PLA2G4B: variants seen among roughly 807,000 people sequenced by gnomAD.
PLA2G4B encodes phospholipase A2 group IVB, also known as cytosolic phospholipase A2 beta.
A neutral mutation model predicts 95.8 loss-of-function variants in PLA2G4B; 122 were observed. The ratio of observed to expected loss-of-function variants is 1.27; its 90% CI spans 1.10 to 1.48. The LOEUF (loss-of-function observed/expected upper bound fraction) is 1.48. Among genes scored for constraint, PLA2G4B ranks in the 40% most tolerant of loss-of-function variants. PLA2G4B has a pLI of 0.00. For missense variants in PLA2G4B, 1,158 were observed against 996.2 expected (o/e 1.16, Z -2.19); for synonymous variants, 518 against 421.5 (o/e 1.23, Z -2.80).
intron 1 of PLA2G4B, chr15:41,839,262 G>A (rs2065380883): frequency 9.0e-6 from 2 of 222,890 alleles, no homozygotes; most frequent in South Asian, 1.6e-4. Context: ...TGGAGTGTGA[G>A]GGCCCTGGGC....
Position 41,847,677 on chromosome 15 carries a change from A to G in PLA2G4B, c.2163A>G (p.Ala721=), listed in dbSNP as rs34424865. The change falls in exon 20 of 20, where the codon GCA becomes GCG. Residue 721 remains alanine, a synonymous_variant. Transcript: ENST00000458483. ...PGVRRTPEEA[A]AGEVNLSSSD... The stretch of plus-strand genomic sequence containing the variant: ...TCCGGCGGACACCCGAGGAGGCGGC[A>G]GCTGGGGAGGTGAACCTGTCTTCAT... 2.4e-3 allele frequency: 3,835 copies of G among 1,613,626 alleles called. 82 individuals carry two copies. In the African/African-American group the frequency reaches 0.045, roughly 19 times the overall value.
intron 13 of PLA2G4B, 44 bp from the exon 14 acceptor site, chr15:41,845,159 C>T (rs1023096777): frequency 3.1e-6 from 5 of 1,612,244 alleles, no homozygotes; most frequent in Non-Finnish European, 4.2e-6. Context: ...AGGCCCTGGG[C>T]ACCCAGGCCG....
intron 9 of PLA2G4B, 108 bp downstream of exon 9, chr15:41,842,384 G>C (rs1156869612): frequency 1.3e-6 from 2 of 1,555,322 alleles, no homozygotes; most frequent in Middle Eastern, 2.1e-4. Context: ...CCCTGAGCAG[G>C]TGCTGGGGCC....
In PLA2G4B at chr15:41,845,957, C is replaced by G; in HGVS notation, c.1510C>G (p.Leu504Val). The G allele has an allele frequency of 6.6e-7, 1 of 1,515,386 alleles. No homozygotes were observed. The highest frequency in any genetic ancestry group is 1.4e-5 in the African/African-American group (1 of 71,726). The allele number at this position is 1,515,386 out of a possible 1,614,324, so 93.9% of individuals were successfully genotyped here. ...CGCTCTTTCAGGTATCTGGAGCAAC[C>G]TGTATGCAGCCAACCTCCAGGACAG... ...ICFLEGIWSN[L>V]YAANLQDSLY... The change falls in exon 16 of 20, where the codon CTG becomes GTG. Residue 504 changes from leucine to valine, a missense_variant. Coordinates refer to ENST00000458483, the MANE Select transcript of PLA2G4B (RefSeq NM_001114633.2).
In PLA2G4B at chr15:41,846,737, G is replaced by A. The variant is rs2065557881; in HGVS notation, c.1849G>A (p.Gly617Ser). 1 of 1,613,850 alleles carries A rather than the reference G, an allele frequency of 6.2e-7. No homozygotes were observed. Among genetic ancestry groups the A allele is most frequent in the Admixed American group, 1.7e-5 (1 of 60,006 alleles). Residue 617 changes from glycine (G) to serine (S), a missense_variant, in exon 18 of 20, where the codon GGC (glycine) becomes AGC (serine). By Grantham distance (56) the Gly-to-Ser change is moderately conservative (BLOSUM62 0). Coordinates refer to ENST00000458483, the MANE Select transcript of PLA2G4B (RefSeq NM_001114633.2). ...GCCCCACCTGTGCCTGCTGGATGTT[G>A]GCTACCTCATCAATACCAGCTGCCT... ...SEPHLCLLDV[G>S]YLINTSCLPL...
intron 10 of PLA2G4B, chr15:41,842,853 G>A (rs1043350830): frequency 1.3e-5 from 6 of 475,472 alleles, no homozygotes; most frequent in South Asian, 3.4e-5. Flanking sequence ...GCTGGAAAAC[G>A]CAGGGAGGCA....
intron 10 of PLA2G4B, among the ~76,000 whole-genome samples, chr15:41,843,445 C>T (rs1354475479): frequency 6.6e-6 from 1 of 152,222 alleles, no homozygotes; most frequent in East Asian, 1.9e-4. Context: ...CAAGCAGCCT[C>T]TTTCGGCCAC....
Position 41,847,359 on chromosome 15 carries a change from T to C in PLA2G4B, c.1970T>C (p.Phe657Ser). 5.0e-6 allele frequency: 8 copies of C among 1,607,712 alleles called. No individual in the cohort carries two copies. The highest frequency in any genetic ancestry group is 6.8e-6 in the Non-Finnish European group (8 of 1,177,036). The change falls in exon 19 of 20, where the codon TTC becomes TCC. Residue 657 changes from phenylalanine to serine, a missense_variant. Coordinates refer to ENST00000458483, the MANE Select transcript of PLA2G4B (RefSeq NM_001114633.2). Reference sequence around the variant, plus strand: ...CAGCAGTTGCAGCTCCTGGGCCGGTTCTGCCAGGAGCAGGGGATCCCGTTC... The same window carrying C: ...CAGCAGTTGCAGCTCCTGGGCCGGTCCTGCCAGGAGCAGGGGATCCCGTTC... ...AFQQLQLLGR[F>S]CQEQGIPFPP...
In PLA2G4B at chr15:41,842,256, C is replaced by G. The variant is rs1223958219; in HGVS notation, c.685C>G (p.Leu229Val). 23 of 1,613,972 alleles carry G rather than the reference C, an allele frequency of 1.4e-5. No individual in the cohort carries two copies. Among genetic ancestry groups the G allele is most frequent in the Non-Finnish European group, 1.8e-5 (21 of 1,180,018 alleles). Residue 229 changes from leucine to valine, a missense_variant, in exon 9 of 20, where the codon CTT becomes GTT. Leu to Val is a conservative substitution (Grantham distance 32). Coordinates refer to ENST00000458483, the MANE Select transcript of PLA2G4B (RefSeq NM_001114633.2). ...SALPSGQVVR[L>V]VFPTSQEPLM... ...CCTGCCCTCTGGTCAAGTGGTGAGGCTTGTCTTCCCCACGTCCCAGGTACT... is the reference window on the plus strand; with the variant it reads ...CCTGCCCTCTGGTCAAGTGGTGAGGGTTGTCTTCCCCACGTCCCAGGTACT...
intron 11 of PLA2G4B, 104 bp downstream of exon 11, chr15:41,843,915 G>A: frequency 6.7e-7 from 1 of 1,489,280 alleles, no homozygotes. Flanking sequence ...AGAGCTCGTA[G>A]CTGCCTGTCC....
rs1396175352 is a variant in PLA2G4B, at chr15:41,845,508, C to A, written c.1358-130C>A. 6 of 1,493,974 alleles carry A rather than the reference C, an allele frequency of 4.0e-6. No homozygotes were observed. The African/African-American group carries it at 5.6e-5, about 14-fold the overall frequency. 92.5% of individuals were successfully genotyped at this position (1,493,974 alleles called of 1,614,324 possible). On this transcript the variant is annotated intron_variant, in intron 14 of 19. Coordinates refer to ENST00000458483, the MANE Select transcript of PLA2G4B (RefSeq NM_001114633.2). ...GGAGGCAGGGGCCTTAGGTCCTATG[C>A]ACGAAGCCCAGGCCACAAGGCCTGG...
chr15:41,841,557 C>T lies in PLA2G4B; in HGVS notation c.476C>T (p.Thr159Ile). Residue 159 changes from threonine (T) to isoleucine (I), a missense_variant, in exon 7 of 20, where the codon ACA becomes ATA. Coordinates refer to ENST00000458483, the MANE Select transcript of PLA2G4B (RefSeq NM_001114633.2). The stretch of plus-strand genomic sequence containing the variant: ...TGCTTGCACGTTCAACTGGAGGAGA[C>T]AGGAGACCAGAAGTGTGAGTCCCCA... ...LSCLHVQLEE[T>I]GDQKSSEHRV... is the part of the protein sequence containing the mutation. 3 of 1,614,070 alleles carry T rather than the reference C, an allele frequency of 1.9e-6. No homozygotes were observed. The highest frequency in any genetic ancestry group is 2.5e-6 in the Non-Finnish European group (3 of 1,179,994).
chr15:41,842,429 C>A, intron 9 of PLA2G4B, 125 bp from the exon 10 acceptor site: 2 of 1,558,966 alleles, frequency 1.3e-6, no homozygotes, highest in Non-Finnish European at 1.7e-6. Flanking sequence ...AGCATCCCTG[C>A]TTCAGGCCTG....
In PLA2G4B at chr15:41,846,794, C is replaced by G; in HGVS notation, c.1906C>G (p.Leu636Val). Residue 636 changes from leucine to valine, a missense_variant, in exon 18 of 20, where the codon CTC becomes GTC. Transcript: ENST00000458483. Reference protein sequence around the residue: ...PLLQPTRDVDLILSLDYNLHG... With the variant: ...PLLQPTRDVDVILSLDYNLHG... Reference sequence around the variant, plus strand: ...CCTGCAGCCCACTCGGGACGTGGACCTCATCCTGTCATTGGACTACAACCT... The same window carrying G: ...CCTGCAGCCCACTCGGGACGTGGACGTCATCCTGTCATTGGACTACAACCT... The G allele has an allele frequency of 6.2e-7, 1 of 1,613,796 alleles. No individual in the cohort carries two copies. Among genetic ancestry groups the G allele is most frequent in the Middle Eastern group, 1.7e-4 (1 of 6,060 alleles).
In PLA2G4B at chr15:41,847,481, T is replaced by C; in HGVS notation, c.2092T>C (p.Phe698Leu). ...TCPGAPAVLH[F>L]PLVSDSFREY... ...CCCCGGAGCCCCTGCGGTGCTGCAC[T>C]TTCCTCTGGTCAGCGACTCCTTCCG... is the stretch of plus-strand genomic sequence containing the variant. The change falls in exon 19 of 20, where the codon TTT (phenylalanine) becomes CTT (leucine). Residue 698 changes from phenylalanine to leucine, a missense_variant. Coordinates refer to ENST00000458483, the MANE Select transcript of PLA2G4B (RefSeq NM_001114633.2). 6.2e-7 allele frequency: 1 copy of C among 1,610,946 alleles called. No individual in the cohort carries two copies. The highest frequency in any genetic ancestry group is 8.5e-7 in the Non-Finnish European group (1 of 1,177,934).
intron 9 of PLA2G4B, 22 bp from the exon 10 acceptor site, chr15:41,842,532 C>T: frequency 6.2e-7 from 1 of 1,611,454 alleles, no homozygotes. Context: ...CCTTTTGTGA[C>T]TGGGGCCTTC....
In PLA2G4B at chr15:41,845,754, T is replaced by C. The variant is rs146490518; in HGVS notation, c.1474T>C (p.Ser492Pro). The change falls in exon 15 of 20, where the codon TCC (serine) becomes CCC (proline). Residue 492 changes from serine to proline, a missense_variant. Physicochemically the swap from Ser to Pro is moderately conservative, Grantham distance 74 (BLOSUM62 -1). Coordinates refer to ENST00000458483, the MANE Select transcript of PLA2G4B (RefSeq NM_001114633.2). ...MGQLMKRLPESRICFLEGIWS... is the reference protein window; with the variant it reads ...MGQLMKRLPEPRICFLEGIWS... ...GCAGCTGATGAAGAGGCTTCCTGAG[T>C]CCCGCATCTGCTTCTTAGAAGGTGA... The C allele has an allele frequency of 6.2e-7, 1 of 1,604,518 alleles. No individual in the cohort carries two copies. Among genetic ancestry groups the C allele is most frequent in the African/African-American group, 1.3e-5 (1 of 74,494 alleles).
chr15:41,845,851 C>T, intron 15 of PLA2G4B, 76 bp downstream of exon 15: 2 of 1,528,310 alleles, frequency 1.3e-6, no homozygotes, highest in Admixed American at 4.2e-5. Context: ...CAGCCTCGGT[C>T]AGAAGAGTTT....
rs1045346454 is a variant in PLA2G4B at position 41,843,729 on chromosome 15, C to A, written c.797C>A (p.Ala266Asp). The A allele has an allele frequency of 1.7e-5, 27 of 1,614,058 alleles. No homozygotes were observed. Among genetic ancestry groups the A allele is most frequent in the South Asian group, 2.2e-5 (2 of 91,080 alleles). ...LGFGPCAEEQ[A>D]FLSRRKQVVA... ...TTCGGGCCCTGTGCAGAGGAGCAGG[C>A]CTTCCTGAGCAGGAGGAAGCAGGTG... Residue 266 changes from alanine to aspartate, a missense_variant, in exon 11 of 20, where the codon GCC becomes GAC. Transcript: ENST00000458483.
Sources: allele counts gnomAD v4.1 joint callset (sites outside exome capture counted in the v4.1 genomes callset), GRCh38; gene constraint gnomAD v4.1.1; transcripts MANE v1.5; gene names NCBI Gene and HGNC (gene_info 2026-07-23, HGNC 2026-07-21).